The following VEZT variants were observed in gnomAD, a reference collection of about 807,000 sequenced individuals.
VEZT encodes the protein vezatin, adherens junctions transmembrane protein, also known as vezatin.
A neutral mutation model predicts 79.9 loss-of-function variants in VEZT; 39 were observed. The ratio of observed to expected loss-of-function variants is 0.49; its 90% CI spans 0.38 to 0.64. VEZT has a LOEUF of 0.64. Ranked by LOEUF, VEZT falls within the 30% of genes least tolerant of loss-of-function variation. The pLI is 0.00. For missense variants in VEZT, 837 were observed against 893.1 expected, an observed-to-expected ratio of 0.94 and a Z score of 0.80; for synonymous variants, 325 against 327.6, an observed-to-expected ratio of 0.99 and a Z score of 0.09.
Position 95,274,778 on chromosome 12 carries a change from C to G in VEZT, c.885C>G (p.Asn295Lys). 1 of 1,613,684 alleles carries G rather than the reference C, an allele frequency of 6.2e-7. No individual in the cohort carries two copies. Among genetic ancestry groups the G allele is most frequent in the Non-Finnish European group, 8.5e-7 (1 of 1,179,742 alleles). Residue 295 changes from asparagine (N) to lysine (K), a missense_variant, in exon 7 of 12, where the codon AAC (asparagine) becomes AAG (lysine). Asn to Lys is a moderately conservative substitution (Grantham distance 94). Coordinates refer to ENST00000436874, the MANE Select transcript of VEZT (RefSeq NM_017599.4). Reference protein sequence around the residue: ...PLNSESDNVTNYICVVPFKEL... With the variant: ...PLNSESDNVTKYICVVPFKEL... ...ACTCTGAGAGTGACAATGTAACCAA[C>G]TACATCTGTGTGGTGCCTTTTAAAG...
intron 1 of VEZT, among the ~76,000 whole-genome samples, chr12:95,249,187 C>T (rs533402910): frequency 6.6e-6 from 1 of 152,126 alleles, no homozygotes; most frequent in African/African-American, 2.4e-5. Flanking sequence ...GGCCTTTTAC[C>T]GAAAAAGGCT....
chr12:95,221,546 T>A (rs940993837), intron 1 of VEZT, among the ~76,000 whole-genome samples: 139 of 144,952 alleles, frequency 9.6e-4, no homozygotes, highest in Non-Finnish European at 1.4e-3. Context: ...AAAAAAAAAA[T>A]AAAGGAAATA....
At chr12:95,260,406 G>A (rs2064232430) in intron 3 of VEZT, among the ~76,000 whole-genome samples, 3 of 151,938 alleles carry the variant, frequency 2.0e-5, no homozygotes, top group Non-Finnish European at 1.5e-5. Context: ...GTGCCCAGTG[G>A]GTTTGTCACA....
chr12:95,230,611 CAAAGGAAAT>C (rs2059151584), intron 1 of VEZT, among the ~76,000 whole-genome samples: 1 of 148,734 alleles, frequency 6.7e-6, no homozygotes, highest in Non-Finnish European at 1.5e-5. Flanking sequence ...GGATAAGAAG[CAAAGGAAAT>C]AAAGTTGGAT....
At position 95,282,311 on chromosome 12, in the gene VEZT, A is replaced by T; in HGVS notation, c.997-2A>T. ...CTAGTTCTTTTTTCTTTTTTCTTTA[A>T]GGTTTTGTTCCAACTCTGGGTGGCA... On this transcript the variant is annotated splice_acceptor_variant, in intron 7 of 11. Coordinates refer to ENST00000436874, the MANE Select transcript of VEZT (RefSeq NM_017599.4). LOFTEE classifies it high-confidence loss of function. 6.3e-7 allele frequency: 1 copy of T among 1,577,296 alleles called. No individual in the cohort carries two copies. The highest frequency in any genetic ancestry group is 8.6e-7 in the Non-Finnish European group (1 of 1,167,402).
chr12:95,244,080 CTCT>C (rs1331891187), intron 1 of VEZT: 35 of 418,422 alleles, frequency 8.4e-5, no homozygotes, highest in East Asian at 2.2e-4. Context: ...AGACTAAAAA[CTCT>C]TTTTTTTTTT....
At chr12:95,236,882 T>C (rs7980356) in intron 1 of VEZT, among the ~76,000 whole-genome samples, 113,374 of 152,122 alleles carry the variant, frequency 0.75, 43,164 homozygotes, top group African/African-American at 0.91. Flanking sequence ...CCATGGTGCT[T>C]GGCTCTTACT....
At chr12:95,294,445 T>C in intron 10 of VEZT, 73 bp downstream of exon 10, 1 of 1,201,220 alleles carries the variant, frequency 8.3e-7, no homozygotes, top group Non-Finnish European at 1.2e-6. Context: ...TACAACATAA[T>C]ATATTGAATT....
intron 2 of VEZT, among the ~76,000 whole-genome samples, chr12:95,254,339 C>CTT (rs34968028): frequency 0.032 from 2,237 of 69,524 alleles, 22 homozygotes; most frequent in East Asian, 0.045. Context: ...AAACGAAGTT[C>CTT]TTTTTTTTTT....
At chr12:95,258,214 A>G in intron 3 of VEZT, 2 of 455,872 alleles carry the variant, frequency 4.4e-6, no homozygotes, top group South Asian at 3.1e-5. Context: ...GAAGTGTCTT[A>G]TCGTCTACAT....
chr12:95,256,113 G>A (rs1170645273), intron 2 of VEZT, among the ~76,000 whole-genome samples: 7 of 151,870 alleles, frequency 4.6e-5, no homozygotes, highest in African/African-American at 1.5e-4. Context: ...GTGCAATGGC[G>A]CGATCTCGGC....
At chr12:95,285,145 T>G (rs1456173945) in intron 8 of VEZT, among the ~76,000 whole-genome samples, 1 of 144,162 alleles carries the variant, frequency 6.9e-6, no homozygotes, top group Non-Finnish European at 1.5e-5. Flanking sequence ...TGTATCAACC[T>G]AATAGAACAA....
intron 7 of VEZT, among the ~76,000 whole-genome samples, chr12:95,278,195 T>C (rs1056274201): frequency 6.6e-6 from 1 of 152,228 alleles, no homozygotes; most frequent in Non-Finnish European, 1.5e-5. Context: ...AATTAATGAA[T>C]GTTAGCTGAT....
At chr12:95,230,482 A>G (rs2059119274) in intron 1 of VEZT, among the ~76,000 whole-genome samples, 1 of 150,102 alleles carries the variant, frequency 6.7e-6, no homozygotes, top group African/African-American at 2.5e-5. Context: ...AAGTATTGCA[A>G]TCATAGCTCA....
At chr12:95,236,283 C>T (rs1566023006) in intron 1 of VEZT, among the ~76,000 whole-genome samples, 1 of 152,150 alleles carries the variant, frequency 6.6e-6, no homozygotes, top group African/African-American at 2.4e-5. Context: ...ACCAGTCAGG[C>T]GTGGCGGCGC....
chr12:95,221,983 T>C (rs1219683089), intron 1 of VEZT, among the ~76,000 whole-genome samples: 1 of 152,240 alleles, frequency 6.6e-6, no homozygotes, highest in Admixed American at 6.5e-5. Context: ...AGACTGTGTG[T>C]ATGTTATATG....
intron 1 of VEZT, 51 bp from the exon 2 acceptor site, chr12:95,251,889 T>G: frequency 1.9e-6 from 3 of 1,577,910 alleles, no homozygotes; most frequent in Non-Finnish European, 1.7e-6. Context: ...CCCCCGAAAC[T>G]TTTGAAGTAG....
At chr12:95,244,286 G>A (rs2061441599) in intron 1 of VEZT, among the ~76,000 whole-genome samples, 1 of 151,980 alleles carries the variant, frequency 6.6e-6, no homozygotes, top group Admixed American at 6.6e-5. Flanking sequence ...AGCTACACAG[G>A]AGGTTGAGGT....
intron 7 of VEZT, among the ~76,000 whole-genome samples, chr12:95,276,349 C>CCT (rs1219181766): frequency 6.8e-6 from 1 of 146,808 alleles, no homozygotes; most frequent in Non-Finnish European, 1.5e-5. Context: ...CTCACTGCAG[C>CCT]CTCAACCTCC....
Sources: gnomAD v4.1 joint callset for allele counts (sites outside exome capture counted in the v4.1 genomes callset) on GRCh38, gnomAD v4.1.1 for gene constraint, MANE v1.5 for transcripts, NCBI Gene and HGNC (gene_info 2026-07-23, HGNC 2026-07-21) for gene names.